The following TECRL variants were observed in gnomAD, a reference collection of about 807,000 sequenced individuals.
TECRL encodes trans-2,3-enoyl-CoA reductase-like.
Under a neutral mutation model 52.8 loss-of-function variants are expected in TECRL, and 63 were observed. The observed-to-expected ratio is 1.19, with a 90% CI of 0.97 to 1.47. The LOEUF (loss-of-function observed/expected upper bound fraction) is 1.47. Among genes scored for constraint, TECRL ranks in the 40% most tolerant of loss-of-function variants. TECRL has a pLI of 0.00. For missense variants in TECRL, 482 were observed against 429.6 expected (o/e 1.12, Z -1.08); for synonymous variants, 164 against 141.9 (o/e 1.16, Z -1.10).
intron 2 of TECRL, among the ~76,000 whole-genome samples, chr4:64,364,841 C>T (rs1180012801): frequency 7.1e-6 from 1 of 140,664 alleles, no homozygotes; most frequent in East Asian, 2.2e-4. Context: ...AACGAACTGG[C>T]ACCAGTGCTA....
intron 2 of TECRL, among the ~76,000 whole-genome samples, chr4:64,362,854 A>T (rs1394338011): frequency 6.6e-6 from 1 of 152,122 alleles, no homozygotes; most frequent in South Asian, 2.1e-4. Flanking sequence ...ATCTATATTA[A>T]CCTCAATGTA....
Position 64,289,769 on chromosome 4 carries a change from T to G in TECRL, c.775-2A>C. 6.5e-7 allele frequency: 1 copy of G among 1,546,136 alleles called. No individual in the cohort carries two copies. The highest frequency in any genetic ancestry group is 8.7e-7 in the Non-Finnish European group (1 of 1,155,862). ...GAAATGATTCCCAGCTTCACAAATCTGCAAAACATTTTAAACACTTTCAGT... is the reference window on the plus strand; with the variant it reads ...GAAATGATTCCCAGCTTCACAAATCGGCAAAACATTTTAAACACTTTCAGT... On this transcript the variant is annotated splice_acceptor_variant, in intron 8 of 11. Transcript: ENST00000381210. LOFTEE classifies it high-confidence loss of function.
intron 5 of TECRL, among the ~76,000 whole-genome samples, chr4:64,312,597 A>G (rs1361945952): frequency 1.3e-5 from 2 of 152,136 alleles, no homozygotes; most frequent in South Asian, 2.1e-4. Context: ...CTTCATCTCT[A>G]AAATTTTTTT....
In TECRL at chr4:64,340,982, C is replaced by A. The variant is rs114144033; in HGVS notation, c.287-12426G>T. On this transcript the variant is annotated intron_variant, in intron 2 of 11. Transcript: ENST00000381210. ...TTTTTGCTGAGAGCTTGGAAGACAG[C>A]AGGATGACCTGCTTGCAGTGGAGAA... is the stretch of plus-strand genomic sequence containing the variant. Among the ~76,000 whole-genome samples, 831 of 152,252 alleles carry A rather than the reference C, an allele frequency of 5.5e-3. 9 individuals carry two copies. The highest frequency in any genetic ancestry group is 0.018 in the African/African-American group (756 of 41,536).
chr4:64,281,790 T>G (rs1399683586), intron 9 of TECRL, among the ~76,000 whole-genome samples: 1 of 151,964 alleles, frequency 6.6e-6, no homozygotes, highest in East Asian at 1.9e-4. Context: ...ACAGCTATGT[T>G]GCTGTAACAC....
At chr4:64,280,830 C>T (rs973684999) in intron 11 of TECRL, among the ~76,000 whole-genome samples, 2 of 152,098 alleles carry the variant, frequency 1.3e-5, no homozygotes, top group African/African-American at 4.8e-5. Context: ...GGATTACAAT[C>T]CCTGGCTTGG....
At chr4:64,393,416 C>T (rs1723689697) in intron 1 of TECRL, among the ~76,000 whole-genome samples, 1 of 151,878 alleles carries the variant, frequency 6.6e-6, no homozygotes, top group African/African-American at 2.4e-5. Context: ...AAATAATGCT[C>T]CTGCCTTATC....
rs1722642421 is a variant in TECRL at position 64,278,160 on chromosome 4, AT to A, written c.*1911del. ...ATTTACATACAAATATAATCTATAT[AT>A]TTCAAAATATATATTTAGAATGATT... On this transcript the variant is annotated 3_prime_UTR_variant, in exon 12 of 12. Coordinates refer to ENST00000381210, the MANE Select transcript of TECRL (RefSeq NM_001010874.5). 2.0e-5 allele frequency: 3 copies of A among 151,636 alleles called. No homozygotes were observed. The highest frequency in any genetic ancestry group is 4.4e-5 in the Non-Finnish European group (3 of 67,732). 9.4% of individuals were successfully genotyped at this position (151,636 alleles called of 1,614,324 possible). A position where few individuals can be genotyped will look rare whatever the true frequency, so the allele number is the denominator to read the frequency against.
intron 1 of TECRL, among the ~76,000 whole-genome samples, chr4:64,379,092 G>A (rs1257960858): frequency 6.6e-6 from 1 of 151,608 alleles, no homozygotes; most frequent in Non-Finnish European, 1.5e-5. Flanking sequence ...CATATAAATT[G>A]ATTTTGTCAA....
chr4:64,363,510 C>G (rs1328895316), intron 2 of TECRL, among the ~76,000 whole-genome samples: 1 of 152,170 alleles, frequency 6.6e-6, no homozygotes, highest in Non-Finnish European at 1.5e-5. Flanking sequence ...CGTGTCCACC[C>G]TACTGCTGTG....
intron 1 of TECRL, among the ~76,000 whole-genome samples, chr4:64,387,651 T>A (rs1723270928): frequency 6.6e-6 from 1 of 152,094 alleles, no homozygotes; most frequent in African/African-American, 2.4e-5. Flanking sequence ...ACATATAATG[T>A]AGAGTCTCTT....
At chr4:64,374,820 A>T (rs1268495404) in intron 2 of TECRL, among the ~76,000 whole-genome samples, 1 of 152,038 alleles carries the variant, frequency 6.6e-6, no homozygotes, top group Non-Finnish European at 1.5e-5. Context: ...TTTGTTGGAC[A>T]TTTGGTTTGG....
In TECRL at chr4:64,322,796, A is replaced by C; in HGVS notation, c.332-4T>G. On this transcript the variant is annotated splice_polypyrimidine_tract_variant and splice_region_variant and intron_variant, in intron 3 of 11. Coordinates refer to ENST00000381210, the MANE Select transcript of TECRL (RefSeq NM_001010874.5). ...TAGTCCTTCAAAAAAGGCCCGCCTA[A>C]AATAAAAATAACAAGAAAATTTTAT... 8.2e-6 allele frequency: 13 copies of C among 1,585,448 alleles called. No individual in the cohort carries two copies. The highest frequency in any genetic ancestry group is 1.1e-5 in the Non-Finnish European group (13 of 1,168,308).
intron 3 of TECRL, among the ~76,000 whole-genome samples, chr4:64,325,139 T>C (rs1718172334): frequency 6.6e-6 from 1 of 152,214 alleles, no homozygotes; most frequent in Admixed American, 6.5e-5. Context: ...AGGTGGCCTT[T>C]GAGAAAAGAC....
At chr4:64,306,149 A>G (rs766483675) in intron 6 of TECRL, among the ~76,000 whole-genome samples, 3 of 152,104 alleles carry the variant, frequency 2.0e-5, no homozygotes, top group Non-Finnish European at 4.4e-5. Context: ...ATGAAACCAA[A>G]CAAAACACTG....
chr4:64,399,609 C>T (rs775500006), intron 1 of TECRL, among the ~76,000 whole-genome samples: 1 of 152,152 alleles, frequency 6.6e-6, no homozygotes, highest in East Asian at 1.9e-4. Flanking sequence ...AGCCCTGCTG[C>T]CTTGCCTAGA....
intron 2 of TECRL, among the ~76,000 whole-genome samples, chr4:64,364,812 A>G (rs758070466): frequency 6.6e-6 from 1 of 151,998 alleles, no homozygotes; most frequent in African/African-American, 2.4e-5. Flanking sequence ...ATTGCAGCCA[A>G]ACTCTACCAG....
At chr4:64,375,340 T>G in intron 1 of TECRL, 117 bp from the exon 2 acceptor site, 1 of 503,140 alleles carries the variant, frequency 2.0e-6, no homozygotes, top group South Asian at 3.1e-5. Context: ...AATTTTTGCT[T>G]CATTTATCTT....
At chr4:64,388,763 G>A (rs1723349773) in intron 1 of TECRL, among the ~76,000 whole-genome samples, 1 of 151,494 alleles carries the variant, frequency 6.6e-6, no homozygotes, top group Non-Finnish European at 1.5e-5. Flanking sequence ...TTATACCTAA[G>A]TATTTTAATT....
Sources: allele counts gnomAD v4.1 joint callset (sites outside exome capture counted in the v4.1 genomes callset), GRCh38; gene constraint gnomAD v4.1.1; transcripts MANE v1.5; gene names NCBI Gene and HGNC (gene_info 2026-07-23, HGNC 2026-07-21).